Variants in PCDHGB1 observed in about 807,000 individuals in gnomAD.
PCDHGB1 encodes the protein protocadherin gamma-B1.
Under a neutral mutation model 56.6 loss-of-function variants are expected in PCDHGB1, and 34 were observed. That is an observed-to-expected ratio of 0.60 (90% CI 0.46 to 0.80). PCDHGB1 has a LOEUF of 0.80. Ranked by LOEUF, PCDHGB1 falls within the 30% of genes least tolerant of loss-of-function variation. The pLI is 0.00. For synonymous variants in PCDHGB1, 561 were observed against 505.9 expected, an observed-to-expected ratio of 1.11 and a Z score of -1.46; for missense variants, 1,278 against 1,204.6, an observed-to-expected ratio of 1.06 and a Z score of -0.90.
chr5:141,431,502 G>A lies in PCDHGB1; in HGVS notation c.2410-63305G>A, dbSNP rs749812839. ...CCAGCGTTTGCTCAGCCCGAGTACC[G>A]CGCGAGCGTTCCGGAGAATCTGGCC... On this transcript the variant is annotated intron_variant, in intron 1 of 3. Coordinates refer to ENST00000523390, the MANE Select transcript of PCDHGB1 (RefSeq NM_018922.3). This position sits in a 1 kb window ranked among gnomAD's most constrained non-coding sequence, Gnocchi z 4.8. 6 of 1,614,008 alleles carry A rather than the reference G, an allele frequency of 3.7e-6. No homozygotes were observed. In the East Asian group the frequency reaches 6.7e-5, roughly 18 times the overall value.
intron 1 of PCDHGB1, among the ~76,000 whole-genome samples, chr5:141,472,980 C>CAAAAAAAAAAAAAAAA (rs60579131): frequency 2.8e-4 from 24 of 86,024 alleles, no homozygotes; most frequent in East Asian, 1.2e-3. Context: ...GAGTGAAACT[C>CAAAAAAAAAAAAAAAA]AAAAAAAAAA....
intron 1 of PCDHGB1, chr5:141,376,177 C>A (rs1772377034): frequency 6.2e-7 from 1 of 1,614,004 alleles, no homozygotes; most frequent in Non-Finnish European, 8.5e-7. Context: ...TGGCGGTGGC[C>A]GCGGTCTCCT....
chr5:141,365,221 C>T (rs1175888601), intron 1 of PCDHGB1: 1 of 1,613,860 alleles, frequency 6.2e-7, no homozygotes, highest in East Asian at 2.2e-5. Flanking sequence ...TTGATTCCAA[C>T]CTGGGGGAAA....
chr5:141,356,607 C>A, intron 1 of PCDHGB1: 1 of 1,614,198 alleles, frequency 6.2e-7, no homozygotes, highest in Non-Finnish European at 8.5e-7. Flanking sequence ...CCAGAGGAGC[C>A]TCCATCTTAT....
intron 1 of PCDHGB1, among the ~76,000 whole-genome samples, chr5:141,358,521 A>G (rs1448511689): frequency 6.6e-6 from 1 of 152,234 alleles, no homozygotes; most frequent in Non-Finnish European, 1.5e-5. Context: ...ATGAACTGGT[A>G]TATTTCAAAT....
At chr5:141,394,463 G>C (rs1244366845) in intron 1 of PCDHGB1, 1 of 1,614,130 alleles carries the variant, frequency 6.2e-7, no homozygotes, top group Non-Finnish European at 8.5e-7. Flanking sequence ...CACTGAGCCT[G>C]TTCGTGCTGG....
intron 1 of PCDHGB1, chr5:141,361,052 A>G: frequency 6.2e-7 from 1 of 1,613,800 alleles, no homozygotes; most frequent in Non-Finnish European, 8.5e-7. Context: ...ACAAAGGATG[A>G]TTTGGATTTT....
intron 1 of PCDHGB1, chr5:141,389,769 G>A (rs2091901102): frequency 3.1e-6 from 5 of 1,612,950 alleles, no homozygotes; most frequent in Non-Finnish European, 4.2e-6. Context: ...CACAGCGCGT[G>A]CCTTAGGCGA....
Position 141,485,616 on chromosome 5 carries a change from C to T in PCDHGB1, c.2410-9191C>T. On this transcript the variant is annotated intron_variant, in intron 1 of 3. Coordinates refer to ENST00000523390, the MANE Select transcript of PCDHGB1 (RefSeq NM_018922.3). This position sits in a 1 kb window ranked among gnomAD's most constrained non-coding sequence, Gnocchi z 5.7. ...TTGGAAATTGGGGAGGCAGCTCCTCCAGGACAGCGTTTCCCGTTGGAAAAG... is the reference window on the plus strand; with the variant it reads ...TTGGAAATTGGGGAGGCAGCTCCTCTAGGACAGCGTTTCCCGTTGGAAAAG... 1 of 1,612,210 alleles carries T rather than the reference C, an allele frequency of 6.2e-7. No individual in the cohort carries two copies.
At chr5:141,423,008 C>A in intron 1 of PCDHGB1, 13 of 1,614,214 alleles carry the variant, frequency 8.1e-6, no homozygotes, top group Non-Finnish European at 1.1e-5. Flanking sequence ...AAGGTGGTTG[C>A]GGTGGACAAA....
chr5:141,438,579 CATACATACATACATAT>C (rs1360889040), intron 1 of PCDHGB1, among the ~76,000 whole-genome samples: 18 of 55,776 alleles, frequency 3.2e-4, no homozygotes, highest in Non-Finnish European at 5.1e-4. Context: ...GATATACATA[CATACATACATACATAT>C]ATATATATAT....
At chr5:141,451,151 A>AT (rs1324071351) in intron 1 of PCDHGB1, among the ~76,000 whole-genome samples, 2 of 152,190 alleles carry the variant, frequency 1.3e-5, no homozygotes, top group Admixed American at 6.5e-5. Context: ...TAGACTAGAC[A>AT]TTTTTTTGGT....
intron 1 of PCDHGB1, chr5:141,385,450 CA>C (rs1781205135): frequency 4.1e-6 from 6 of 1,446,726 alleles, no homozygotes; most frequent in Admixed American, 5.7e-5. Context: ...ATGAGTTTAC[CA>C]GTTTCCTTCA....
At chr5:141,380,965 A>G (rs575114972) in intron 1 of PCDHGB1, among the ~76,000 whole-genome samples, 2 of 152,370 alleles carry the variant, frequency 1.3e-5, no homozygotes, top group Admixed American at 1.3e-4. Context: ...CAAAAGTACT[A>G]TTAAACAAAT....
chr5:141,374,050 T>C (rs1156255025), intron 1 of PCDHGB1: 1 of 1,475,134 alleles, frequency 6.8e-7, no homozygotes, highest in African/African-American at 1.4e-5. Flanking sequence ...TTCTTCCTCT[T>C]CTTAATCCCA....
At position 141,427,408 on chromosome 5, in the gene PCDHGB1, G is replaced by C. The variant is rs975709597; in HGVS notation, c.2410-67399G>C. ...TTCAAAACACATGATAAAGATTCGA[G>C]AGAAAATGGGGAGGTTACATGCCTC... On this transcript the variant is annotated intron_variant, in intron 1 of 3. Coordinates refer to ENST00000523390, the MANE Select transcript of PCDHGB1 (RefSeq NM_018922.3). The C allele has an allele frequency of 1.3e-5, 6 of 463,300 alleles. No homozygotes were observed. In the Admixed American group the frequency reaches 1.4e-4, roughly 11 times the overall value. The allele number at this position is 463,300 out of a possible 1,614,324, so 28.7% of individuals were successfully genotyped here. A position where few individuals can be genotyped will look rare whatever the true frequency, so the allele number is the denominator to read the frequency against.
chr5:141,413,909 T>A (rs772084941), intron 1 of PCDHGB1: 1 of 1,613,316 alleles, frequency 6.2e-7, no homozygotes. Flanking sequence ...AACGCGCCGG[T>A]CTTCACCTTG....
chr5:141,485,380 G>A lies in PCDHGB1; in HGVS notation c.2410-9427G>A. The A allele has an allele frequency of 1.9e-6, 3 of 1,614,146 alleles. No individual in the cohort carries two copies. The highest frequency in any genetic ancestry group is 2.5e-6 in the Non-Finnish European group (3 of 1,180,032). On this transcript the variant is annotated intron_variant, in intron 1 of 3. Coordinates refer to ENST00000523390, the MANE Select transcript of PCDHGB1 (RefSeq NM_018922.3). This position sits in a 1 kb window ranked among gnomAD's most constrained non-coding sequence, Gnocchi z 5.7. ...CTCGCAGGCTGCAGGTCGCTGGAGA[G>A]GTGAACCAAAGACACTTCCGTGTGG... is the stretch of plus-strand genomic sequence containing the variant.
chr5:141,395,556 G>A (rs1041230837), intron 1 of PCDHGB1: 1 of 97,434 alleles, frequency 1.0e-5, no homozygotes, highest in East Asian at 1.8e-4. Context: ...GTGTGTGTGT[G>A]TGTGTGTGTG....
Sources: allele counts gnomAD v4.1 joint callset (sites outside exome capture counted in the v4.1 genomes callset), GRCh38; gene constraint gnomAD v4.1.1; non-coding constraint Gnocchi (gnomAD v3.1); transcripts MANE v1.5; gene names NCBI Gene and HGNC (gene_info 2026-07-23, HGNC 2026-07-21).